The following KIAA0825 variants were observed in gnomAD, a reference collection of about 807,000 sequenced individuals.
KIAA0825 encodes KIAA0825.
KIAA0825 carries 119 observed loss-of-function variants against 147.6 expected under a neutral mutation model. That is an observed-to-expected ratio of 0.81 (90% CI 0.69 to 0.94). The LOEUF is 0.94. Ranked by LOEUF, KIAA0825 falls within the 40% of genes least tolerant of loss-of-function variation. The probability of loss-of-function intolerance (pLI) is 0.00; values close to 1 mark genes in which losing one functional copy is unlikely to be tolerated. For synonymous variants in KIAA0825, 470 were observed against 518.1 expected (o/e 0.91, Z 1.26); for missense variants, 1,381 against 1,472.7 (o/e 0.94, Z 1.02).
chr5:94,438,637 G>A (rs539914280), intron 14 of KIAA0825, among the ~76,000 whole-genome samples: 1 of 152,230 alleles, frequency 6.6e-6, no homozygotes. Context: ...AGCACCAGGA[G>A]AGAAGCAATA....
At chr5:94,359,031 A>C (rs188889980) in intron 20 of KIAA0825, among the ~76,000 whole-genome samples, 1 of 152,332 alleles carries the variant, frequency 6.6e-6, no homozygotes, top group African/African-American at 2.4e-5. Context: ...GGAAGGACTG[A>C]TTTTGGCTGA....
intron 20 of KIAA0825, among the ~76,000 whole-genome samples, chr5:94,370,380 C>G (rs998558603): frequency 2.0e-5 from 3 of 151,998 alleles, no homozygotes; most frequent in African/African-American, 7.3e-5. Context: ...TTTGTTGTAA[C>G]TCAGAACTGT....
At chr5:94,167,761 T>G (rs967769228) in intron 20 of KIAA0825, among the ~76,000 whole-genome samples, 5 of 152,020 alleles carry the variant, frequency 3.3e-5, no homozygotes, top group African/African-American at 9.7e-5. Flanking sequence ...TTTTTTAATA[T>G]TACAGAGGTT....
At chr5:94,432,765 T>C (rs918394382) in intron 14 of KIAA0825, among the ~76,000 whole-genome samples, 10 of 152,124 alleles carry the variant, frequency 6.6e-5, no homozygotes, top group Non-Finnish European at 1.3e-4. Flanking sequence ...TGGCTGGGTA[T>C]CTGTAATCCC....
At chr5:94,590,262 TG>T (rs1784111713) in intron 1 of KIAA0825, among the ~76,000 whole-genome samples, 2 of 152,214 alleles carry the variant, frequency 1.3e-5, no homozygotes, top group African/African-American at 4.8e-5. Flanking sequence ...TCCAAAGTGC[TG>T]GGATTACAGG....
chr5:94,548,828 C>T (rs887079004), intron 2 of KIAA0825, among the ~76,000 whole-genome samples: 1 of 152,046 alleles, frequency 6.6e-6, no homozygotes. Flanking sequence ...TAAGAAGAGA[C>T]AAAGAAGGTC....
At chr5:94,417,163 A>G (rs1753580547) in intron 15 of KIAA0825, 38 bp downstream of exon 15, 1 of 1,521,012 alleles carries the variant, frequency 6.6e-7, no homozygotes, top group Admixed American at 2.0e-5. Flanking sequence ...ATAAGTATCT[A>G]TAGAACATTT....
At chr5:94,472,565 A>G (rs919485162) in intron 8 of KIAA0825, among the ~76,000 whole-genome samples, 1 of 152,148 alleles carries the variant, frequency 6.6e-6, no homozygotes, top group Non-Finnish European at 1.5e-5. Context: ...TAACACGGTG[A>G]AACCCCGTCT....
chr5:94,482,408 C>T (rs964360780), intron 6 of KIAA0825, among the ~76,000 whole-genome samples: 9 of 152,166 alleles, frequency 5.9e-5, no homozygotes, highest in African/African-American at 2.2e-4. Flanking sequence ...GCAACTCTTT[C>T]CAAGATCTTT....
At chr5:94,244,958 A>G (rs1775531694) in intron 20 of KIAA0825, among the ~76,000 whole-genome samples, 1 of 152,220 alleles carries the variant, frequency 6.6e-6, no homozygotes, top group South Asian at 2.1e-4. Flanking sequence ...ACTGAATCTT[A>G]GTATTTGTAA....
intron 20 of KIAA0825, among the ~76,000 whole-genome samples, chr5:94,264,552 C>T (rs765516363): frequency 3.3e-5 from 5 of 152,126 alleles, no homozygotes; most frequent in South Asian, 4.1e-4. Context: ...GGACTTCATG[C>T]CTCATGTACA....
rs1390246473 is a variant in KIAA0825, at chr5:94,471,727, C to A, written c.1460G>T (p.Cys487Phe). 1 of 1,552,154 alleles carries A rather than the reference C, an allele frequency of 6.4e-7. No homozygotes were observed. Among genetic ancestry groups the A allele is most frequent in the South Asian group, 1.2e-5 (1 of 84,040 alleles). Reference protein sequence around the residue: ...EEQPKKIGKFCSDIMEKLDTM... With the variant: ...EEQPKKIGKFFSDIMEKLDTM... ...GTCAAGTTTTTCCATGATGTCAGAACAAAACTAGGGAGAAATAAATGTGGC... is the reference window on the plus strand; with the variant it reads ...GTCAAGTTTTTCCATGATGTCAGAAAAAAACTAGGGAGAAATAAATGTGGC... The change falls in exon 9 of 21, where the codon TGT (cysteine) becomes TTT (phenylalanine). Residue 487 changes from cysteine to phenylalanine, a missense_variant. Coordinates refer to ENST00000682413, the MANE Select transcript of KIAA0825 (RefSeq NM_001145678.3).
intron 1 of KIAA0825, chr5:94,593,565 A>G: frequency 5.3e-6 from 3 of 565,862 alleles, no homozygotes; most frequent in Non-Finnish European, 9.9e-6. Flanking sequence ...CAGGACCTGA[A>G]GAAAAGAAAC....
intron 20 of KIAA0825, among the ~76,000 whole-genome samples, chr5:94,194,846 T>C (rs964097615): frequency 3.3e-5 from 5 of 152,256 alleles, no homozygotes; most frequent in African/African-American, 7.2e-5. Flanking sequence ...TAGCATTTAA[T>C]CACTTCTGTC....
rs559020252 is a variant in KIAA0825 at position 94,319,167 on chromosome 5, T to G, written c.3710+65201A>C. Among the ~76,000 whole-genome samples, 5 of 151,860 alleles carry G rather than the reference T, an allele frequency of 3.3e-5. No individual in the cohort carries two copies. The East Asian group carries it at 9.8e-4, about 30-fold the overall frequency. On this transcript the variant is annotated intron_variant, in intron 20 of 20. Transcript: ENST00000682413. ...TGACAAGTGACTCAAAGGAGACAAA[T>G]AGTGTCCCTTGATCACTCCCTCTCT...
chr5:94,295,248 G>A (rs891816777), intron 20 of KIAA0825, among the ~76,000 whole-genome samples: 4 of 151,622 alleles, frequency 2.6e-5, no homozygotes, highest in Admixed American at 6.6e-5. Flanking sequence ...CAAAATTCTC[G>A]TGCTGTGTTT....
rs114902514 is a variant in KIAA0825, at chr5:94,312,367, C to T, written c.3710+72001G>A. On this transcript the variant is annotated intron_variant, in intron 20 of 20. Transcript: ENST00000682413. ...CCCAAGTATGAGATAATCTTAGAAA[C>T]GAGTATTATTCCTTTGGACTTGTTA... 2.2e-3 allele frequency among the ~76,000 whole-genome samples: 328 copies of T among 151,554 alleles called. 3 individuals are homozygous for T. The highest frequency in any genetic ancestry group is 7.7e-3 in the African/African-American group (319 of 41,400).
chr5:94,600,729 G>A (rs1786247917), intron 1 of KIAA0825, among the ~76,000 whole-genome samples: 1 of 151,926 alleles, frequency 6.6e-6, no homozygotes, highest in Non-Finnish European at 1.5e-5. Context: ...TCTAGTCTGT[G>A]GGCTTAAGAG....
chr5:94,508,538 AG>A (rs565662811), intron 5 of KIAA0825, among the ~76,000 whole-genome samples: 58 of 151,862 alleles, frequency 3.8e-4, no homozygotes, highest in African/African-American at 1.4e-3. Context: ...ATGAAAAAAA[AG>A]GGGGGGGAAG....
Sources: allele counts gnomAD v4.1 joint callset (sites outside exome capture counted in the v4.1 genomes callset), GRCh38; gene constraint gnomAD v4.1.1; transcripts MANE v1.5; gene names NCBI Gene and HGNC (gene_info 2026-07-23, HGNC 2026-07-21).